CRIM1: variants seen among roughly 807,000 people sequenced by gnomAD.
CRIM1 encodes cysteine rich transmembrane BMP regulator 1.
CRIM1 carries 32 observed loss-of-function variants against 116.4 expected under a neutral mutation model. That is an observed-to-expected ratio of 0.27 (90% CI 0.21 to 0.37). The LOEUF (loss-of-function observed/expected upper bound fraction) is 0.37, where lower values mean the gene tolerates loss of function less well. CRIM1 is among the 10% of genes least tolerant of loss of function. The probability of loss-of-function intolerance (pLI) is 1.00; values close to 1 mark genes in which losing one functional copy is unlikely to be tolerated. For synonymous variants in CRIM1, 590 were observed against 509.2 expected (o/e 1.16, Z -2.13); for missense variants, 1,331 against 1,354.8 (o/e 0.98, Z 0.28).
intron 4 of CRIM1, among the ~76,000 whole-genome samples, chr2:36,463,501 C>T (rs950921615): frequency 6.6e-5 from 10 of 152,102 alleles, no homozygotes; most frequent in African/African-American, 2.4e-4. Context: ...TCCTTTTACT[C>T]CTGTCAACCT....
intron 2 of CRIM1, among the ~76,000 whole-genome samples, chr2:36,401,545 G>A (rs17479952): frequency 0.016 from 2,446 of 152,310 alleles, 38 homozygotes; most frequent in South Asian, 0.079. Context: ...AGTAAAAGCA[G>A]TGCCAGCCTC....
intron 1 of CRIM1, chr2:36,378,534 T>TC (rs1366400188): frequency 4.7e-6 from 1 of 214,464 alleles, no homozygotes; most frequent in Non-Finnish European, 9.0e-6. Flanking sequence ...CGGTAAGTCA[T>TC]TTTTTTTTTA....
At position 36,465,668 on chromosome 2, in the gene CRIM1, A is replaced by G. The variant is rs149294119; in HGVS notation, c.991+1013A>G. On this transcript the variant is annotated intron_variant, in intron 5 of 16. Transcript: ENST00000280527. ...TTTGCTTTGAAGAAACACTTGCAGT[A>G]TGGCTTTATGGTTAAGAAAGAACAC... Among the ~76,000 whole-genome samples, 50 of 152,226 alleles carry G rather than the reference A, an allele frequency of 3.3e-4. 1 individual carries two copies. The East Asian group carries it at 9.3e-3, about 28-fold the overall frequency.
chr2:36,413,212 C>T (rs1315643458), intron 2 of CRIM1, among the ~76,000 whole-genome samples: 1 of 152,108 alleles, frequency 6.6e-6, no homozygotes, highest in Non-Finnish European at 1.5e-5. Flanking sequence ...TGTTAAATGT[C>T]AGTGAAATGT....
intron 12 of CRIM1, among the ~76,000 whole-genome samples, chr2:36,518,458 A>G (rs1362076726): frequency 1.3e-5 from 2 of 152,162 alleles, no homozygotes; most frequent in Admixed American, 6.5e-5. Flanking sequence ...GCTGGCCAGA[A>G]TCTGTTGTTC....
At chr2:36,467,815 G>C (rs1678167116) in intron 5 of CRIM1, among the ~76,000 whole-genome samples, 1 of 152,138 alleles carries the variant, frequency 6.6e-6, no homozygotes, top group Non-Finnish European at 1.5e-5. Flanking sequence ...CAAATACGCT[G>C]TTCTTATTTT....
At chr2:36,379,742 C>CTTTTTT (rs760969263) in intron 1 of CRIM1, among the ~76,000 whole-genome samples, 6 of 106,386 alleles carry the variant, frequency 5.6e-5, no homozygotes, top group African/African-American at 2.2e-4. Context: ...TTCTTTCTCT[C>CTTTTTT]TTTTTTTTTT....
intron 13 of CRIM1, among the ~76,000 whole-genome samples, chr2:36,527,199 A>G (rs1329182528): frequency 2.6e-5 from 4 of 151,618 alleles, no homozygotes; most frequent in Non-Finnish European, 5.9e-5. Flanking sequence ...ACAAGTATAT[A>G]TGTGGCTCAT....
At chr2:36,402,584 A>G (rs942431989) in intron 2 of CRIM1, among the ~76,000 whole-genome samples, 2 of 151,890 alleles carry the variant, frequency 1.3e-5, no homozygotes, top group African/African-American at 4.8e-5. Flanking sequence ...TTAAAAGATG[A>G]ATATGGTGGA....
chr2:36,382,835 CATCTCTGT>C (rs1277971461), intron 1 of CRIM1, among the ~76,000 whole-genome samples: 7 of 152,218 alleles, frequency 4.6e-5, no homozygotes, highest in African/African-American at 1.4e-4. Context: ...AAAAGCTGTG[CATCTCTGT>C]ATATTCTAAT....
intron 14 of CRIM1, among the ~76,000 whole-genome samples, chr2:36,543,953 T>G (rs1667136479): frequency 6.6e-6 from 1 of 152,180 alleles, no homozygotes; most frequent in Non-Finnish European, 1.5e-5. Context: ...GGACAGTGCT[T>G]TAACTTTTTC....
chr2:36,450,763 C>A (rs988690731), intron 4 of CRIM1, among the ~76,000 whole-genome samples: 9 of 152,234 alleles, frequency 5.9e-5, no homozygotes, highest in Non-Finnish European at 1.3e-4. Flanking sequence ...ATGTCGTTTG[C>A]TTTCACTATA....
At chr2:36,445,211 T>C (rs958907878) in intron 4 of CRIM1, among the ~76,000 whole-genome samples, 1 of 152,212 alleles carries the variant, frequency 6.6e-6, no homozygotes, top group Admixed American at 6.5e-5. Context: ...CTTCCTGCCA[T>C]TGGGTTGTAA....
chr2:36,393,136 C>T (rs1671746628), intron 1 of CRIM1, among the ~76,000 whole-genome samples: 1 of 152,128 alleles, frequency 6.6e-6, no homozygotes, highest in Non-Finnish European at 1.5e-5. Context: ...AGATGGGCTG[C>T]TTGGAAGGAC....
At chr2:36,386,759 T>C (rs1042065085) in intron 1 of CRIM1, among the ~76,000 whole-genome samples, 1 of 152,216 alleles carries the variant, frequency 6.6e-6, no homozygotes, top group Admixed American at 6.5e-5. Flanking sequence ...GTGAAGTAAT[T>C]TTAATAGATA....
chr2:36,392,038 G>A (rs1239832654), intron 1 of CRIM1, among the ~76,000 whole-genome samples: 2 of 152,150 alleles, frequency 1.3e-5, no homozygotes, highest in Admixed American at 1.3e-4. Flanking sequence ...TGTTCTGTGG[G>A]ATGAAATGGG....
chr2:36,514,849 A>T (rs907569529), intron 11 of CRIM1, among the ~76,000 whole-genome samples: 1 of 152,222 alleles, frequency 6.6e-6, no homozygotes, highest in Admixed American at 6.5e-5. Context: ...GAGATTCTGC[A>T]CAGCTCAATA....
intron 7 of CRIM1, among the ~76,000 whole-genome samples, chr2:36,488,507 T>C (rs577475441): frequency 1.2e-4 from 18 of 152,334 alleles, no homozygotes; most frequent in African/African-American, 3.1e-4. Context: ...TAATCTAAAT[T>C]TGATGTGCTT....
At chr2:36,436,157 A>G (rs1265990491) in intron 2 of CRIM1, among the ~76,000 whole-genome samples, 1 of 152,164 alleles carries the variant, frequency 6.6e-6, no homozygotes, top group Non-Finnish European at 1.5e-5. Flanking sequence ...GAGACAGAGA[A>G]GAATAAATAA....
Sources: allele counts gnomAD v4.1 joint callset (sites outside exome capture counted in the v4.1 genomes callset), GRCh38; gene constraint gnomAD v4.1.1; transcripts MANE v1.5; gene names NCBI Gene and HGNC (gene_info 2026-07-23, HGNC 2026-07-21).